SLC22A25: variants seen among roughly 807,000 people sequenced by gnomAD.
SLC22A25 encodes the protein solute carrier family 22 member 25, also known as MGI:2442751, MGI:2385316, MGI:3042283, MGI:3645714, MGI:3605624, MGI:2442750.
Under a neutral mutation model 45.9 loss-of-function variants are expected in SLC22A25, and 44 were observed. The observed-to-expected ratio is 0.96, with a 90% CI of 0.75 to 1.23. The LOEUF (loss-of-function observed/expected upper bound fraction) is 1.23. Ranked by LOEUF, SLC22A25 falls within the 50% of genes most tolerant of loss-of-function variation. The pLI is 0.00. For synonymous variants in SLC22A25, 283 were observed against 238.6 expected, an observed-to-expected ratio of 1.19 and a Z score of -1.72; for missense variants, 800 against 666.4, an observed-to-expected ratio of 1.20 and a Z score of -2.21.
intron 7 of SLC22A25, among the ~76,000 whole-genome samples, chr11:63,216,107 G>T (rs758566368): frequency 2.6e-5 from 4 of 152,024 alleles, no homozygotes; most frequent in African/African-American, 9.7e-5. Flanking sequence ...ACATATGACC[G>T]ACTATTATGA....
At position 63,183,898 on chromosome 11, in the gene SLC22A25, C is replaced by T; in HGVS notation, c.831-81G>A. ...ATAACATTTATCCTGAGATGCCTTT[C>T]CCCTCTAAGCTAATACCCACCTCTT... is the stretch of plus-strand genomic sequence containing the variant. On this transcript the variant is annotated intron_variant, in intron 7 of 11. Transcript: ENST00000306494. 3 of 1,580,554 alleles carry T rather than the reference C, an allele frequency of 1.9e-6. No homozygotes were observed. The South Asian group carries it at 3.5e-5, about 18-fold the overall frequency.
chr11:63,236,131 C>T (rs2090158953), intron 3 of SLC22A25, among the ~76,000 whole-genome samples: 1 of 152,224 alleles, frequency 6.6e-6, no homozygotes, highest in African/African-American at 2.4e-5. Flanking sequence ...TCTCAGATCT[C>T]AAGCTGCGTG....
chr11:63,200,875 A>C (rs2089219353), intron 7 of SLC22A25, among the ~76,000 whole-genome samples: 1 of 152,244 alleles, frequency 6.6e-6, no homozygotes, highest in African/African-American at 2.4e-5. Flanking sequence ...AGCCAAGCCA[A>C]GAGCCAAATA....
chr11:63,221,111 C>A (rs11231413), intron 5 of SLC22A25, among the ~76,000 whole-genome samples: 55,708 of 151,996 alleles, frequency 0.37, 10,510 homozygotes, highest in East Asian at 0.56. Context: ...TTTCCTTTTG[C>A]TATACTGATT....
At chr11:63,167,890 G>T (rs372738567) in intron 9 of SLC22A25, 3 of 342,440 alleles carry the variant, frequency 8.8e-6, no homozygotes, top group Non-Finnish European at 1.7e-5. Flanking sequence ...CCCAGCAGGG[G>T]TCAACAGACA....
At chr11:63,194,767 G>A (rs1243456426) in intron 7 of SLC22A25, among the ~76,000 whole-genome samples, 1 of 151,528 alleles carries the variant, frequency 6.6e-6, no homozygotes, top group Non-Finnish European at 1.5e-5. Flanking sequence ...ACACAGACTG[G>A]CAAATTGTAT....
chr11:63,214,096 G>A lies in SLC22A25; in HGVS notation c.830+3218C>T, dbSNP rs145814510. 3.4e-3 allele frequency among the ~76,000 whole-genome samples: 513 copies of A among 152,278 alleles called. 2 individuals carry two copies. Among genetic ancestry groups the A allele is most frequent in the African/African-American group, 0.011 (459 of 41,552 alleles). The stretch of plus-strand genomic sequence containing the variant: ...CATGTTCCAGTTCAGATTTGGTCCA[G>A]GTGGTCCCCAGATTCCTTGTTTGGA... On this transcript the variant is annotated intron_variant, in intron 7 of 11. Coordinates refer to ENST00000306494, the MANE Select transcript of SLC22A25 (RefSeq NM_199352.6).
intron 7 of SLC22A25, among the ~76,000 whole-genome samples, chr11:63,199,201 T>G (rs2089160090): frequency 6.6e-6 from 1 of 151,716 alleles, no homozygotes. Context: ...ATAAACAAAA[T>G]CAGAAACATC....
In SLC22A25 at chr11:63,188,991, G is replaced by A. The variant is rs1374238019; in HGVS notation, c.831-5174C>T. Among the ~76,000 whole-genome samples, 7 of 152,266 alleles carry A rather than the reference G, an allele frequency of 4.6e-5. No individual in the cohort carries two copies. The East Asian group carries it at 9.6e-4, about 21-fold the overall frequency. ...CTATGTGGTCAATTTTGGAATAAGT[G>A]CGGTGTGGTGCTGAGAAGAATGTAT... On this transcript the variant is annotated intron_variant, in intron 7 of 11. Transcript: ENST00000306494.
intron 7 of SLC22A25, among the ~76,000 whole-genome samples, chr11:63,215,378 A>G (rs2089683804): frequency 6.6e-6 from 1 of 152,206 alleles, no homozygotes; most frequent in Admixed American, 6.5e-5. Context: ...TGGGAGTTGA[A>G]CAATGAGGAC....
Position 63,166,064 on chromosome 11 carries a change from G to C in SLC22A25, c.1265C>G (p.Ala422Gly). The C allele has an allele frequency of 1.9e-6, 3 of 1,613,880 alleles. No individual in the cohort carries two copies. The highest frequency in any genetic ancestry group is 4.5e-5 in the East Asian group (2 of 44,814). ...CTCACCTTGAGGCACAAATATGATG[G>C]CCAGAAGGCAGGTTGCCAGTAGGAA... ...LMFLLATCLL[A>G]IIFVPQEMQT... The change falls in exon 10 of 12, where the codon GCC becomes GGC. Residue 422 changes from alanine to glycine, a missense_variant. By Grantham distance (60) the Ala-to-Gly change is moderately conservative. Transcript: ENST00000306494.
rs199866396 is a variant in SLC22A25, at chr11:63,217,593, T to C, written c.649A>G (p.Thr217Ala). ...AATATTGACTTACTTAACAAAACAGTATTTACAATGATGCTAAATGTAGCA... is the reference window on the plus strand; with the variant it reads ...AATATTGACTTACTTAACAAAACAGCATTTACAATGATGCTAAATGTAGCA... ...GAATFSIIVN[T>A]VLLIVEWITH... is the part of the protein sequence containing the mutation. Residue 217 changes from threonine to alanine, a missense_variant, in exon 6 of 12, where the codon ACT becomes GCT. Thr to Ala is a moderately conservative substitution (Grantham distance 58). Transcript: ENST00000306494. 6.2e-5 allele frequency: 100 copies of C among 1,613,172 alleles called. 1 individual carries two copies. In the Middle Eastern group the frequency reaches 1.5e-3, roughly 24 times the overall value.
In SLC22A25 at chr11:63,243,190, C is replaced by T. The variant is rs145093275; in HGVS notation, c.-996+244G>A. ...GAAGAACCTGCTTGCTATCAAGAAG[C>T]GCTACCTTCAGTAATGCTCCTACTT... On this transcript the variant is annotated intron_variant, in intron 1 of 11. Coordinates refer to ENST00000306494, the MANE Select transcript of SLC22A25 (RefSeq NM_199352.6). 24 of 229,918 alleles carry T rather than the reference C, an allele frequency of 1.0e-4. No individual in the cohort carries two copies. The East Asian group carries it at 2.2e-3, about 21-fold the overall frequency. 14.2% of individuals were successfully genotyped at this position (229,918 alleles called of 1,614,324 possible).
chr11:63,241,043 A>T (rs369811715), intron 1 of SLC22A25, among the ~76,000 whole-genome samples: 1 of 152,252 alleles, frequency 6.6e-6, no homozygotes, highest in South Asian at 2.1e-4. Flanking sequence ...CATTCATGCT[A>T]TCTTGTCATG....
intron 9 of SLC22A25, among the ~76,000 whole-genome samples, chr11:63,179,926 A>G (rs1314586380): frequency 6.6e-6 from 1 of 152,128 alleles, no homozygotes; most frequent in Non-Finnish European, 1.5e-5. Flanking sequence ...AGTGTGTCCA[A>G]AGGCCAAGGT....
intron 7 of SLC22A25, among the ~76,000 whole-genome samples, chr11:63,199,133 A>G (rs1311955835): frequency 6.6e-6 from 1 of 151,930 alleles, no homozygotes; most frequent in Admixed American, 6.6e-5. Context: ...GAAAAAATTA[A>G]TAATATATAT....
intron 3 of SLC22A25, among the ~76,000 whole-genome samples, chr11:63,231,043 T>C (rs1170834717): frequency 6.6e-6 from 1 of 152,218 alleles, no homozygotes; most frequent in Non-Finnish European, 1.5e-5. Flanking sequence ...CTTAATCTAG[T>C]CTATCATTGG....
chr11:63,232,614 A>G (rs1469853661), intron 3 of SLC22A25, among the ~76,000 whole-genome samples: 1 of 152,144 alleles, frequency 6.6e-6, no homozygotes, highest in East Asian at 1.9e-4. Context: ...TCCTAATTGA[A>G]TTCCCTTTAT....
chr11:63,194,430 A>G (rs1435516448), intron 7 of SLC22A25, among the ~76,000 whole-genome samples: 2 of 150,848 alleles, frequency 1.3e-5, no homozygotes, highest in African/African-American at 4.8e-5. Context: ...AAAGAAAAGA[A>G]TTTTCAACCC....
Sources: allele counts gnomAD v4.1 joint callset (sites outside exome capture counted in the v4.1 genomes callset), GRCh38; gene constraint gnomAD v4.1.1; transcripts MANE v1.5; gene names NCBI Gene and HGNC (gene_info 2026-07-23, HGNC 2026-07-21).